SGK1: variants seen among roughly 807,000 people sequenced by gnomAD.
The protein encoded by SGK1 is serine/threonine-protein kinase Sgk1.
Under a neutral mutation model 64.2 loss-of-function variants are expected in SGK1, and 26 were observed. The observed-to-expected ratio is 0.40, with a 90% CI of 0.30 to 0.56. SGK1 has a LOEUF of 0.56. SGK1 is among the 20% of genes least tolerant of loss of function. The pLI, the probability that SGK1 is intolerant of heterozygous loss-of-function variation, is 0.38. For synonymous variants in SGK1, 265 were observed against 239.7 expected (o/e 1.11, Z -0.98); for missense variants, 519 against 645.6 (o/e 0.80, Z 2.12).
chr6:134,264,759 C>T (rs1344528720), intron 1 of SGK1, among the ~76,000 whole-genome samples: 2 of 151,966 alleles, frequency 1.3e-5, no homozygotes, highest in Non-Finnish European at 2.9e-5. Flanking sequence ...CCTCCCACCT[C>T]AGCCCTCCCA....
intron 3 of SGK1, among the ~76,000 whole-genome samples, chr6:134,201,473 T>A (rs958199967): frequency 1.3e-5 from 2 of 152,140 alleles, no homozygotes; most frequent in African/African-American, 4.8e-5. Context: ...GCAATTCTTC[T>A]GCCTCAGCCT....
At chr6:134,233,853 G>C (rs1410968818) in intron 2 of SGK1, among the ~76,000 whole-genome samples, 1 of 149,082 alleles carries the variant, frequency 6.7e-6, no homozygotes, top group Non-Finnish European at 1.5e-5. Context: ...CACAGAACTG[G>C]AAAATCCATC....
intron 2 of SGK1, among the ~76,000 whole-genome samples, chr6:134,221,761 T>A (rs1000266092): frequency 1.3e-5 from 2 of 152,018 alleles, no homozygotes; most frequent in Non-Finnish European, 2.9e-5. Context: ...CAAGCAATTC[T>A]CGTACCTCAG....
At chr6:134,303,263 G>T (rs956941188) in intron 1 of SGK1, among the ~76,000 whole-genome samples, 6 of 151,882 alleles carry the variant, frequency 4.0e-5, no homozygotes, top group African/African-American at 1.4e-4. Flanking sequence ...GTGGTGGCAG[G>T]CGCCTGTAAT....
In SGK1 at chr6:134,291,634, T is replaced by C. The variant is rs141116742; in HGVS notation, c.69+25758A>G. Among the ~76,000 whole-genome samples, 94 of 152,342 alleles carry C rather than the reference T, an allele frequency of 6.2e-4. No individual in the cohort carries two copies. In the East Asian group the frequency reaches 0.017, roughly 28 times the overall value. On this transcript the variant is annotated intron_variant, in intron 1 of 13. Coordinates refer to ENST00000367858, the MANE Select transcript of SGK1 (RefSeq NM_001143676.3). ...ATGACGAATAACTCTTTGTTCTTTGTTTCTTTCTTCAGGCCTCCTCTGTCT... is the reference window on the plus strand; with the variant it reads ...ATGACGAATAACTCTTTGTTCTTTGCTTCTTTCTTCAGGCCTCCTCTGTCT...
At chr6:134,173,795 T>A in intron 5 of SGK1, 1 of 580,462 alleles carries the variant, frequency 1.7e-6, no homozygotes, top group African/African-American at 1.9e-5. Flanking sequence ...CCTTTTAAAA[T>A]AACCACTTTG....
intron 1 of SGK1, among the ~76,000 whole-genome samples, chr6:134,278,859 C>T (rs773026959): frequency 1.3e-5 from 2 of 149,922 alleles, no homozygotes; most frequent in Non-Finnish European, 3.0e-5. Context: ...GAATCAGAAG[C>T]ACAAGAAAAA....
intron 1 of SGK1, among the ~76,000 whole-genome samples, chr6:134,290,150 C>CAAAAA (rs35039086): frequency 1.3e-5 from 1 of 75,938 alleles, no homozygotes; most frequent in Non-Finnish European, 2.3e-5. Flanking sequence ...AGCTCCTTCT[C>CAAAAA]AAAAAAAAAA....
intron 2 of SGK1, among the ~76,000 whole-genome samples, chr6:134,226,492 A>T (rs1490412742): frequency 5.3e-5 from 8 of 152,048 alleles, no homozygotes; most frequent in African/African-American, 1.9e-4. Context: ...GGAGTTTGAG[A>T]CCAGTCTGGG....
At chr6:134,301,636 G>A (rs779088525) in intron 1 of SGK1, among the ~76,000 whole-genome samples, 61 of 151,186 alleles carry the variant, frequency 4.0e-4, no homozygotes, top group Non-Finnish European at 6.5e-4. Context: ...TGTTGTCCAG[G>A]CTGGAGTGTA....
chr6:134,201,481 C>T (rs1341841941), intron 3 of SGK1, among the ~76,000 whole-genome samples: 2 of 152,130 alleles, frequency 1.3e-5, no homozygotes, highest in African/African-American at 4.8e-5. Context: ...TCTGCCTCAG[C>T]CTCCTGAGTA....
intron 3 of SGK1, among the ~76,000 whole-genome samples, chr6:134,181,158 G>A (rs1264525714): frequency 6.6e-6 from 1 of 152,096 alleles, no homozygotes; most frequent in Non-Finnish European, 1.5e-5. Flanking sequence ...CATATTAAAG[G>A]TGTAACTGAC....
intron 2 of SGK1, among the ~76,000 whole-genome samples, chr6:134,251,481 A>G (rs1240172698): frequency 6.6e-6 from 1 of 152,164 alleles, no homozygotes; most frequent in Non-Finnish European, 1.5e-5. Flanking sequence ...AATATGCTCA[A>G]CCCCAAGGGT....
intron 12 of SGK1, 45 bp from the exon 13 acceptor site, chr6:134,170,960 T>C: frequency 6.2e-7 from 1 of 1,607,892 alleles, no homozygotes; most frequent in Non-Finnish European, 8.5e-7. Flanking sequence ...GTGCATTCAA[T>C]AAGGGCAGGG....
intron 1 of SGK1, among the ~76,000 whole-genome samples, chr6:134,299,967 G>GA (rs1267210258): frequency 2.0e-5 from 3 of 151,396 alleles, no homozygotes; most frequent in Non-Finnish European, 2.9e-5. Context: ...AAGAGAGAGA[G>GA]AAAAAAAACA....
At chr6:134,306,914 G>A (rs1015925934) in intron 1 of SGK1, among the ~76,000 whole-genome samples, 2 of 147,246 alleles carry the variant, frequency 1.4e-5, no homozygotes, top group Non-Finnish European at 3.0e-5. Flanking sequence ...AAATAAAAGG[G>A]GGGGGGGGCG....
intron 1 of SGK1, among the ~76,000 whole-genome samples, chr6:134,269,978 A>G (rs1484912236): frequency 2.0e-5 from 3 of 147,116 alleles, no homozygotes; most frequent in Middle Eastern, 3.2e-3. Context: ...CTGGAGCGCA[A>G]TGGCGCGATC....
At chr6:134,210,861 C>A (rs1775877919) in intron 2 of SGK1, among the ~76,000 whole-genome samples, 1 of 146,840 alleles carries the variant, frequency 6.8e-6, no homozygotes, top group African/African-American at 2.5e-5. Flanking sequence ...CATGGTGGCT[C>A]ACGCCTGTAA....
intron 3 of SGK1, among the ~76,000 whole-genome samples, chr6:134,194,259 A>C (rs1488463852): frequency 6.6e-6 from 1 of 152,116 alleles, no homozygotes; most frequent in East Asian, 1.9e-4. Context: ...ACAGCAACCA[A>C]ACTTCAGCTA....
Sources: gnomAD v4.1 joint callset for allele counts (sites outside exome capture counted in the v4.1 genomes callset) on GRCh38, gnomAD v4.1.1 for gene constraint, MANE v1.5 for transcripts, NCBI Gene and HGNC (gene_info 2026-07-23, HGNC 2026-07-21) for gene names.